LRRC34: variants seen among roughly 807,000 people sequenced by gnomAD.
LRRC34 encodes the protein leucine-rich repeat-containing protein 34.
A neutral mutation model predicts 48.5 loss-of-function variants in LRRC34; 44 were observed. That is an observed-to-expected ratio of 0.91 (90% CI 0.71 to 1.17). The LOEUF (loss-of-function observed/expected upper bound fraction) is 1.17. Among genes scored for constraint, LRRC34 ranks in the 50% most tolerant of loss-of-function variants. The pLI is 0.00. For synonymous variants in LRRC34, 192 were observed against 197.6 expected, an observed-to-expected ratio of 0.97 and a Z score of 0.24; for missense variants, 502 against 563.0, an observed-to-expected ratio of 0.89 and a Z score of 1.10.
At chr3:169,808,839 A>T in intron 1 of LRRC34, 94 bp from the exon 2 acceptor site, 1 of 700,692 alleles carries the variant, frequency 1.4e-6, no homozygotes, top group Non-Finnish European at 2.5e-6. Context: ...TATGAGTTGT[A>T]TGTGTGTATA....
rs1176626549 is a variant in LRRC34, at chr3:169,793,123, GT to G, written c.*511del. ...GTGGGAGAGCTGGCAGCACTGGCTT[GT>G]TGGGAAAGGGGTATGTATATGTTTA... is the stretch of plus-strand genomic sequence containing the variant. On this transcript the variant is annotated 3_prime_UTR_variant, in exon 11 of 11. Transcript: ENST00000446859. Among the ~76,000 whole-genome samples, 5 of 152,158 alleles carry G rather than the reference GT, an allele frequency of 3.3e-5. No homozygotes were observed. Among genetic ancestry groups the G allele is most frequent in the Non-Finnish European group, 7.3e-5 (5 of 68,036 alleles).
intron 7 of LRRC34, 187 bp from the exon 8 acceptor site, chr3:169,797,086 C>G (rs983849208): frequency 2.5e-6 from 1 of 398,186 alleles, no homozygotes; most frequent in African/African-American, 2.1e-5. Context: ...TATTTTTTAC[C>G]TTCTCAGAAG....
In LRRC34 at chr3:169,807,719, T is replaced by TC; in HGVS notation, c.258-11_258-10insG. On this transcript the variant is annotated splice_polypyrimidine_tract_variant and intron_variant, in intron 2 of 10. Coordinates refer to ENST00000446859, the MANE Select transcript of LRRC34 (RefSeq NM_001172779.2). ...GATTCCTGCTGCTAGCCTGTTAAAATACAAAAAAAAAAAAAAAAAAAAAAG... is the reference window on the plus strand; with the variant it reads ...GATTCCTGCTGCTAGCCTGTTAAAATCACAAAAAAAAAAAAAAAAAAAAAAG... 1.5e-6 allele frequency: 1 copy of TC among 650,642 alleles called. No homozygotes were observed. 40.3% of individuals were successfully genotyped at this position (650,642 alleles called of 1,614,324 possible).
intron 6 of LRRC34, among the ~76,000 whole-genome samples, chr3:169,801,599 C>T (rs1349028728): frequency 6.6e-6 from 1 of 152,142 alleles, no homozygotes; most frequent in Non-Finnish European, 1.5e-5. Context: ...CACTTCTTCC[C>T]CTTACCTGTG....
intron 5 of LRRC34, among the ~76,000 whole-genome samples, chr3:169,804,724 T>C (rs1259804081): frequency 6.6e-6 from 1 of 152,200 alleles, no homozygotes; most frequent in African/African-American, 2.4e-5. Context: ...AAAACATATA[T>C]TAATAAACTT....
chr3:169,805,043 G>A (rs1560600903), intron 5 of LRRC34, among the ~76,000 whole-genome samples: 2 of 152,070 alleles, frequency 1.3e-5, no homozygotes, highest in African/African-American at 4.8e-5. Context: ...GTAACTATTA[G>A]GACATATAAT....
intron 6 of LRRC34, among the ~76,000 whole-genome samples, chr3:169,802,723 A>C (rs991826424): frequency 4.6e-5 from 7 of 152,164 alleles, no homozygotes; most frequent in African/African-American, 1.4e-4. Flanking sequence ...CTGTAATCCC[A>C]GCACTTTGGG....
At position 169,800,678 on chromosome 3, in the gene LRRC34, G is replaced by A. The variant is rs773488024; in HGVS notation, c.734C>T (p.Pro245Leu). 4 of 1,533,268 alleles carry A rather than the reference G, an allele frequency of 2.6e-6. No individual in the cohort carries two copies. Among genetic ancestry groups the A allele is most frequent in the Non-Finnish European group, 3.5e-6 (4 of 1,145,230 alleles). 95.0% of individuals were successfully genotyped at this position (1,533,268 alleles called of 1,614,324 possible). A position where few individuals can be genotyped will look rare whatever the true frequency, so the allele number is the denominator to read the frequency against. Residue 245 changes from proline (P) to leucine (L), a missense_variant, in exon 7 of 11, where the codon CCT becomes CTT. Pro to Leu is a moderately conservative substitution (Grantham distance 98, BLOSUM62 -3). Coordinates refer to ENST00000446859, the MANE Select transcript of LRRC34 (RefSeq NM_001172779.2). ...ACATACCTGTTCACTGTACAGTATAGGTCGGTTTAGGTTTATTGCCTTAAT... is the reference window on the plus strand; with the variant it reads ...ACATACCTGTTCACTGTACAGTATAAGTCGGTTTAGGTTTATTGCCTTAAT... ...QAIKAINLNR[P>L]ILYSEQEEST...
intron 6 of LRRC34, among the ~76,000 whole-genome samples, chr3:169,801,016 G>A (rs1175967907): frequency 6.6e-6 from 1 of 151,860 alleles, no homozygotes; most frequent in Non-Finnish European, 1.5e-5. Context: ...TTCCCTCTAG[G>A]TTTTTTTTCC....
chr3:169,798,281 G>C (rs932094527), intron 7 of LRRC34, among the ~76,000 whole-genome samples: 1 of 152,220 alleles, frequency 6.6e-6, no homozygotes, highest in East Asian at 1.9e-4. Context: ...GTCAGAAATA[G>C]TAAAGGGTTT....
In LRRC34 at chr3:169,800,747, T is replaced by C. The variant is rs1232797136; in HGVS notation, c.665A>G (p.Gln222Arg). 3 of 1,533,298 alleles carry C rather than the reference T, an allele frequency of 2.0e-6. No individual in the cohort carries two copies. Among genetic ancestry groups the C allele is most frequent in the South Asian group, 1.2e-5 (1 of 83,494 alleles). 95.0% of individuals were successfully genotyped at this position (1,533,298 alleles called of 1,614,324 possible). ...TACTGTAGCAAATGCTATCACACTT[T>C]GCATTCCCTAAAAACAGGTAAATTC... ...LDLGDCDLGM[Q>R]SVIAFATVLT... The change falls in exon 7 of 11, where the codon CAA (glutamine) becomes CGA (arginine). Residue 222 changes from glutamine (Q) to arginine (R), a missense_variant. By Grantham distance (43) the Gln-to-Arg change is conservative. Transcript: ENST00000446859.
At chr3:169,807,515 G>T in intron 3 of LRRC34, 25 bp from the exon 4 acceptor site, 1 of 1,611,286 alleles carries the variant, frequency 6.2e-7, no homozygotes, top group Non-Finnish European at 8.5e-7. Context: ...AATAGAAGTG[G>T]ATATTCATTA....
Position 169,809,840 on chromosome 3 carries a change from G to A in LRRC34, c.140-1095C>T, listed in dbSNP as rs546118430. ...AGTTTGCTAAACGGATCTGCAGAAC[G>A]AGATTTAACATGAGGAACATTACAT... On this transcript the variant is annotated intron_variant, in intron 1 of 10. Transcript: ENST00000446859. 1.5e-4 allele frequency among the ~76,000 whole-genome samples: 23 copies of A among 152,218 alleles called. No individual in the cohort carries two copies. The East Asian group carries it at 1.7e-3, about 11-fold the overall frequency.
intron 1 of LRRC34, among the ~76,000 whole-genome samples, chr3:169,810,851 G>A (rs559183791): frequency 6.6e-6 from 1 of 152,352 alleles, no homozygotes; most frequent in South Asian, 2.1e-4. Flanking sequence ...GATCACTTGA[G>A]GCCAGGAGTT....
At chr3:169,802,358 T>C (rs1779223017) in intron 6 of LRRC34, among the ~76,000 whole-genome samples, 1 of 152,212 alleles carries the variant, frequency 6.6e-6, no homozygotes, top group African/African-American at 2.4e-5. Context: ...TGGAAGGTTC[T>C]GACATGGACA....
At chr3:169,795,641 T>G in intron 9 of LRRC34, 30 bp from the exon 10 acceptor site, 2 of 1,594,212 alleles carry the variant, frequency 1.3e-6, no homozygotes, top group Non-Finnish European at 1.7e-6. Flanking sequence ...AAGGAAAGAA[T>G]ACAAAAATTA....
chr3:169,802,538 T>G (rs528990284), intron 6 of LRRC34, among the ~76,000 whole-genome samples: 1 of 152,220 alleles, frequency 6.6e-6, no homozygotes. Flanking sequence ...AACTAAAATA[T>G]AAGTTTCATA....
chr3:169,807,781 T>G (rs550774239), intron 2 of LRRC34, 72 bp from the exon 3 acceptor site: 2 of 1,424,108 alleles, frequency 1.4e-6, no homozygotes, highest in South Asian at 1.4e-5. Flanking sequence ...AGTAAAAGTA[T>G]GTTTCCTTCA....
intron 4 of LRRC34, 71 bp from the exon 5 acceptor site, chr3:169,807,002 C>T: frequency 8.9e-6 from 7 of 785,334 alleles, no homozygotes; most frequent in Non-Finnish European, 1.5e-5. Context: ...CATGTATATA[C>T]ATATACACAT....
Sources: allele counts gnomAD v4.1 joint callset (sites outside exome capture counted in the v4.1 genomes callset), GRCh38; gene constraint gnomAD v4.1.1; transcripts MANE v1.5; gene names NCBI Gene and HGNC (gene_info 2026-07-23, HGNC 2026-07-21).